The following ADGRL3 variants were observed in gnomAD, a reference collection of about 807,000 sequenced individuals.
ADGRL3 encodes adhesion G protein-coupled receptor L3, also known as calcium-independent alpha-latrotoxin receptor 3.
A neutral mutation model predicts 153.5 loss-of-function variants in ADGRL3; 62 were observed. The ratio of observed to expected loss-of-function variants is 0.40; its 90% CI spans 0.33 to 0.50. ADGRL3 has a LOEUF of 0.50. Ranked by LOEUF, ADGRL3 falls within the 20% of genes least tolerant of loss-of-function variation. The pLI is 0.47. For missense variants in ADGRL3, 1,641 were observed against 1,859.4 expected, an observed-to-expected ratio of 0.88 and a Z score of 2.16; for synonymous variants, 710 against 672.5, an observed-to-expected ratio of 1.06 and a Z score of -0.86.
intron 6 of ADGRL3, among the ~76,000 whole-genome samples, chr4:61,710,202 T>C (rs1293279920): frequency 6.6e-6 from 1 of 152,174 alleles, no homozygotes; most frequent in African/African-American, 2.4e-5. Flanking sequence ...AAAGCCTTTC[T>C]CCTTTGTGAA....
chr4:61,507,636 GA>G (rs1173999705), intron 3 of ADGRL3, among the ~76,000 whole-genome samples: 1 of 152,172 alleles, frequency 6.6e-6, no homozygotes. Flanking sequence ...TGTGGGGGGG[GA>G]CTTTAAAACA....
At chr4:61,212,604 G>T (rs575892619) in intron 1 of ADGRL3, among the ~76,000 whole-genome samples, 108 of 152,158 alleles carry the variant, frequency 7.1e-4, no homozygotes, top group Non-Finnish European at 1.1e-3. Context: ...GTATTGTTTG[G>T]AATACTCCTA....
chr4:61,894,415 TA>T (rs2098611823), intron 10 of ADGRL3, among the ~76,000 whole-genome samples: 2 of 152,188 alleles, frequency 1.3e-5, no homozygotes, highest in South Asian at 4.1e-4. Context: ...ATACTCATTT[TA>T]TTTAGGAAAA....
chr4:61,352,562 T>G (rs1299052788), intron 1 of ADGRL3, among the ~76,000 whole-genome samples: 1 of 152,058 alleles, frequency 6.6e-6, no homozygotes, highest in East Asian at 1.9e-4. Context: ...TTTTTGCATT[T>G]TTAGTAGAGA....
chr4:61,577,646 C>CA (rs1205632556), intron 4 of ADGRL3, among the ~76,000 whole-genome samples: 1 of 150,480 alleles, frequency 6.6e-6, no homozygotes, highest in Admixed American at 6.6e-5. Context: ...ACTGTCTCTA[C>CA]AAAAAATAAA....
At chr4:61,663,391 T>C (rs183187241) in intron 5 of ADGRL3, among the ~76,000 whole-genome samples, 295 of 152,352 alleles carry the variant, frequency 1.9e-3, no homozygotes, top group African/African-American at 6.6e-3. Flanking sequence ...GTTTGTACTA[T>C]GCCTGGTCCA....
At chr4:61,425,698 G>A (rs746082506) in intron 2 of ADGRL3, among the ~76,000 whole-genome samples, 6 of 152,212 alleles carry the variant, frequency 3.9e-5, no homozygotes, top group Non-Finnish European at 5.9e-5. Context: ...AGGCCACACA[G>A]ATGGTACAGA....
intron 8 of ADGRL3, among the ~76,000 whole-genome samples, chr4:61,783,110 A>G (rs983260052): frequency 2.0e-5 from 3 of 152,158 alleles, no homozygotes; most frequent in African/African-American, 7.2e-5. Flanking sequence ...CAGTGATACA[A>G]AAACACTAAT....
intron 4 of ADGRL3, among the ~76,000 whole-genome samples, chr4:61,535,469 A>G (rs1366695087): frequency 3.9e-5 from 6 of 151,982 alleles, no homozygotes; most frequent in Non-Finnish European, 7.4e-5. Flanking sequence ...TTAAAGAGGA[A>G]TACCTTCTCC....
intron 1 of ADGRL3, among the ~76,000 whole-genome samples, chr4:61,353,094 G>A (rs1326702809): frequency 6.6e-6 from 1 of 152,134 alleles, no homozygotes. Flanking sequence ...TTCCCAGAAG[G>A]AGGAGTTTGC....
intron 4 of ADGRL3, among the ~76,000 whole-genome samples, chr4:61,572,686 A>G (rs914911223): frequency 8.6e-5 from 13 of 152,040 alleles, no homozygotes; most frequent in Non-Finnish European, 1.3e-4. Flanking sequence ...AAAATACTAT[A>G]AATTAAATAA....
At chr4:61,497,490 C>A in intron 3 of ADGRL3, 142 bp downstream of exon 3, 4 of 477,916 alleles carry the variant, frequency 8.4e-6, no homozygotes, top group Non-Finnish European at 1.4e-5. Flanking sequence ...AATAAAAGAA[C>A]ATAATGTGTA....
At chr4:61,524,708 A>C (rs1007001364) in intron 4 of ADGRL3, among the ~76,000 whole-genome samples, 1 of 152,118 alleles carries the variant, frequency 6.6e-6, no homozygotes, top group Admixed American at 6.6e-5. Context: ...ATGGTAAAGC[A>C]TGTGGTTCCT....
In ADGRL3 at chr4:61,767,569, G is replaced by C. The variant is rs540222153; in HGVS notation, c.1399+34015G>C. 6.1e-3 allele frequency among the ~76,000 whole-genome samples: 924 copies of C among 152,196 alleles called. 14 individuals carry two copies. The highest frequency in any genetic ancestry group is 0.021 in the African/African-American group (858 of 41,510). ...ATCGGGCAGTGTCAGTCTTCAGCCG[G>C]TAAGCCAAGAAGGAGTCAGTCAGAG... On this transcript the variant is annotated intron_variant, in intron 8 of 26. Transcript: ENST00000683033.
At chr4:61,901,326 T>C (rs1170998549) in intron 11 of ADGRL3, among the ~76,000 whole-genome samples, 1 of 152,222 alleles carries the variant, frequency 6.6e-6, no homozygotes, top group Admixed American at 6.5e-5. Flanking sequence ...CTAGAAATAA[T>C]GTTGCCATTT....
chr4:61,449,067 G>A lies in ADGRL3; in HGVS notation c.-173-48054G>A, dbSNP rs550900777. Among the ~76,000 whole-genome samples, 5 of 151,852 alleles carry A rather than the reference G, an allele frequency of 3.3e-5. No individual in the cohort carries two copies. The South Asian group carries it at 8.3e-4, about 25-fold the overall frequency. ...GCACTTATAATTTGAAGACATTGGG[G>A]GACCTTTAGAGATCTTCTAATTCAA... is the stretch of plus-strand genomic sequence containing the variant. On this transcript the variant is annotated intron_variant, in intron 2 of 26. Transcript: ENST00000683033.
rs556667901 is a variant in ADGRL3 at position 61,232,127 on chromosome 4, T to C, written c.-240+30362T>C. Among the ~76,000 whole-genome samples, 359 of 152,236 alleles carry C rather than the reference T, an allele frequency of 2.4e-3. 2 individuals carry two copies. Among genetic ancestry groups the C allele is most frequent in the Admixed American group, 4.4e-3 (67 of 15,280 alleles). ...GGATTGCTGTCAAGGTCAAATGTTTTGATGCATATGAAGCACTCAGAATCA... is the reference window on the plus strand; with the variant it reads ...GGATTGCTGTCAAGGTCAAATGTTTCGATGCATATGAAGCACTCAGAATCA... On this transcript the variant is annotated intron_variant, in intron 1 of 26. Coordinates refer to ENST00000683033, the MANE Select transcript of ADGRL3 (RefSeq NM_001387552.1).
At chr4:61,742,435 C>G (rs1463999094) in intron 8 of ADGRL3, among the ~76,000 whole-genome samples, 1 of 151,982 alleles carries the variant, frequency 6.6e-6, no homozygotes, top group Non-Finnish European at 1.5e-5. Context: ...CCCGCCACCA[C>G]GCCCGGCTAA....
intron 8 of ADGRL3, among the ~76,000 whole-genome samples, chr4:61,756,004 G>T (rs2096825428): frequency 6.6e-6 from 1 of 152,156 alleles, no homozygotes; most frequent in East Asian, 1.9e-4. Flanking sequence ...CCAGTACCAT[G>T]CTGTTTTGGT....
Sources: allele counts gnomAD v4.1 joint callset (sites outside exome capture counted in the v4.1 genomes callset), GRCh38; gene constraint gnomAD v4.1.1; transcripts MANE v1.5; gene names NCBI Gene and HGNC (gene_info 2026-07-23, HGNC 2026-07-21).